Variants in SYNE1 observed in about 807,000 individuals in gnomAD.
SYNE1 encodes spectrin repeat containing nuclear envelope protein 1.
A neutral mutation model predicts 1,111.0 loss-of-function variants in SYNE1; 616 were observed. The observed-to-expected ratio is 0.55, with a 90% confidence interval of 0.52 to 0.59. SYNE1 has a LOEUF of 0.59. Ranked by LOEUF, SYNE1 falls within the 20% of genes least tolerant of loss-of-function variation. The pLI is 0.00. For synonymous variants in SYNE1, 3,855 were observed against 3,825.8 expected (o/e 1.01, Z -0.28); for missense variants, 10,006 against 10,417.0 (o/e 0.96, Z 1.72).
In SYNE1 at chr6:152,350,745, T is replaced by C. The variant is rs377203674; in HGVS notation, c.11606A>G (p.His3869Arg). 3.7e-6 allele frequency: 6 copies of C among 1,613,326 alleles called. No homozygotes were observed. Among genetic ancestry groups the C allele is most frequent in the Non-Finnish European group, 4.2e-6 (5 of 1,179,932 alleles). ...YKSLQQTVLS[H>R]EPSVKSVREK... ...TCTCACTGACTTTACTGATGGTTCATGGGACAGCACCGTTTGTTGAAGTGA... is the reference window on the plus strand; with the variant it reads ...TCTCACTGACTTTACTGATGGTTCACGGGACAGCACCGTTTGTTGAAGTGA... The change falls in exon 71 of 146, where the codon CAT becomes CGT. Residue 3869 changes from histidine (H) to arginine (R), a missense_variant. By Grantham distance (29) the His-to-Arg change is conservative (BLOSUM62 0). Transcript: ENST00000367255.
rs533601917 is a variant in SYNE1 at position 152,597,849 on chromosome 6, C to T, written c.67+30416G>A. ...CTCCCTTTTTCTTTCGCTATAGCAA[C>T]TATGGTAGTGAGTATTATTTACTTT... On this transcript the variant is annotated intron_variant, in intron 3 of 145. Coordinates refer to ENST00000367255, the MANE Select transcript of SYNE1 (RefSeq NM_182961.4). 4.1e-4 allele frequency among the ~76,000 whole-genome samples: 63 copies of T among 152,138 alleles called. 1 individual carries two copies. Among genetic ancestry groups the T allele is most frequent in the Middle Eastern group, 3.4e-3 (1 of 294 alleles).
chr6:152,499,651 A>G lies in SYNE1; in HGVS notation c.889-859T>C, dbSNP rs78661041. On this transcript the variant is annotated intron_variant, in intron 10 of 145. Transcript: ENST00000367255. ...ACTAGACAGAATTAGGTTACCATTAACTGTTAAATATAAGCCCTATGTCAT... is the reference window on the plus strand; with the variant it reads ...ACTAGACAGAATTAGGTTACCATTAGCTGTTAAATATAAGCCCTATGTCAT... 6.4e-3 allele frequency among the ~76,000 whole-genome samples: 971 copies of G among 152,272 alleles called. 17 individuals carry two copies. The highest frequency in any genetic ancestry group is 0.022 in the African/African-American group (932 of 41,580).
chr6:152,308,374 G>C (rs1241410154), intron 91 of SYNE1, 115 bp downstream of exon 91: 1 of 1,465,980 alleles, frequency 6.8e-7, no homozygotes, highest in Non-Finnish European at 9.3e-7. Flanking sequence ...CTCAAGAGTT[G>C]AACACATTAA....
chr6:152,367,139 C>A, intron 62 of SYNE1, 79 bp downstream of exon 62: 1 of 1,542,818 alleles, frequency 6.5e-7, no homozygotes, highest in Non-Finnish European at 9.0e-7. Context: ...GACATCATCA[C>A]CCCAGGTGGA....
In SYNE1 at chr6:152,227,795, A is replaced by G. The variant is rs367746290; in HGVS notation, c.21196-1919T>C. Among the ~76,000 whole-genome samples, 22 of 152,250 alleles carry G rather than the reference A, an allele frequency of 1.4e-4. No homozygotes were observed. In the South Asian group the frequency reaches 2.9e-3, roughly 20 times the overall value. On this transcript the variant is annotated intron_variant, in intron 115 of 145. Coordinates refer to ENST00000367255, the MANE Select transcript of SYNE1 (RefSeq NM_182961.4). Reference sequence around the variant, plus strand: ...AAACTATTTCTAAAATGCCCTGCACACGTATGTTGGTAGAAGAGCAAAACC... The same window carrying G: ...AAACTATTTCTAAAATGCCCTGCACGCGTATGTTGGTAGAAGAGCAAAACC...
chr6:152,541,671 C>T (rs1195551586), intron 3 of SYNE1, among the ~76,000 whole-genome samples: 1 of 146,776 alleles, frequency 6.8e-6, no homozygotes, highest in Non-Finnish European at 1.5e-5. Context: ...TGGTGTGAAC[C>T]TGTGAGGCAG....
chr6:152,329,823 C>T lies in SYNE1; in HGVS notation c.14862G>A (p.Lys4954=), dbSNP rs1458805351. 2 of 1,614,142 alleles carry T rather than the reference C, an allele frequency of 1.2e-6. No homozygotes were observed. The highest frequency in any genetic ancestry group is 1.7e-6 in the Non-Finnish European group (2 of 1,180,014). Residue 4954 remains lysine (K), a synonymous_variant, in exon 78 of 146, where the codon AAG becomes AAA. Coordinates refer to ENST00000367255, the MANE Select transcript of SYNE1 (RefSeq NM_182961.4). ...LSHKEKEKFT[K]AKELISADLE... The stretch of plus-strand genomic sequence containing the variant: ...AATCCGCAGAAATCAGCTCCTTGGC[C>T]TTTGTGAACTTCTCCTTTTCCTTGT...
In SYNE1 at chr6:152,325,098, C is replaced by G. The variant is rs1437500728; in HGVS notation, c.15643G>C (p.Gly5215Arg). 1 of 1,614,040 alleles carries G rather than the reference C, an allele frequency of 6.2e-7. No homozygotes were observed. Among genetic ancestry groups the G allele is most frequent in the East Asian group, 2.2e-5 (1 of 44,876 alleles). ...ILEDAVDEWTGFNNKVKKATE... is the reference protein window; with the variant it reads ...ILEDAVDEWTRFNNKVKKATE... Reference sequence around the variant, plus strand: ...GTGGAAACTACCTTGTTGTTAAAGCCCGTCCACTCATCCACTGCATCTTCC... The same window carrying G: ...GTGGAAACTACCTTGTTGTTAAAGCGCGTCCACTCATCCACTGCATCTTCC... Residue 5215 changes from glycine (G) to arginine (R), a missense_variant, in exon 81 of 146, where the codon GGC becomes CGC. By Grantham distance (125) the Gly-to-Arg change is moderately radical. Coordinates refer to ENST00000367255, the MANE Select transcript of SYNE1 (RefSeq NM_182961.4).
At chr6:152,508,907 C>T (rs2099071223) in intron 8 of SYNE1, among the ~76,000 whole-genome samples, 1 of 152,206 alleles carries the variant, frequency 6.6e-6, no homozygotes, top group Admixed American at 6.5e-5. Context: ...ACACTAATTA[C>T]ATCCTTTGTT....
intron 3 of SYNE1, among the ~76,000 whole-genome samples, chr6:152,602,486 T>C (rs1309912856): frequency 6.6e-6 from 1 of 152,172 alleles, no homozygotes; most frequent in Non-Finnish European, 1.5e-5. Flanking sequence ...TGCATTTCCA[T>C]TGTTCAAGCC....
intron 3 of SYNE1, among the ~76,000 whole-genome samples, chr6:152,603,444 T>A (rs1209276902): frequency 6.6e-6 from 1 of 152,138 alleles, no homozygotes; most frequent in East Asian, 1.9e-4. Context: ...CCCAGGATGA[T>A]AAGTCTGATC....
chr6:152,515,902 C>T (rs1200980357), intron 6 of SYNE1, among the ~76,000 whole-genome samples: 2 of 152,164 alleles, frequency 1.3e-5, no homozygotes, highest in Non-Finnish European at 2.9e-5. Flanking sequence ...GCTAAGGACA[C>T]TGTTAGGGTT....
At chr6:152,365,579 C>T (rs2097058648) in intron 62 of SYNE1, among the ~76,000 whole-genome samples, 1 of 152,022 alleles carries the variant, frequency 6.6e-6, no homozygotes, top group African/African-American at 2.4e-5. Flanking sequence ...TCTAGCTCAG[C>T]CTCCTTGGTA....
chr6:152,172,625 T>A (rs1337532223), intron 130 of SYNE1, among the ~76,000 whole-genome samples: 1 of 152,206 alleles, frequency 6.6e-6, no homozygotes, highest in Non-Finnish European at 1.5e-5. Context: ...TTCCTTTTAG[T>A]CCTGAGCTCT....
At chr6:152,237,214 C>T (rs1362015698) in intron 108 of SYNE1, among the ~76,000 whole-genome samples, 1 of 151,874 alleles carries the variant, frequency 6.6e-6, no homozygotes, top group Non-Finnish European at 1.5e-5. Flanking sequence ...ACCTCTTTTC[C>T]ATACGTTACA....
At chr6:152,181,671 T>C (rs1046801216) in intron 128 of SYNE1, among the ~76,000 whole-genome samples, 3 of 152,244 alleles carry the variant, frequency 2.0e-5, no homozygotes, top group Admixed American at 1.3e-4. Context: ...CTATATTCCA[T>C]TGTATGAATA....
At chr6:152,407,760 TTC>T (rs2097921673) in intron 44 of SYNE1, among the ~76,000 whole-genome samples, 1 of 130,160 alleles carries the variant, frequency 7.7e-6, no homozygotes, top group South Asian at 2.7e-4. Flanking sequence ...TAAAAGAATG[TTC>T]TTTTTTTTTT....
chr6:152,626,453 A>C (rs2099685920), intron 3 of SYNE1, among the ~76,000 whole-genome samples: 1 of 152,150 alleles, frequency 6.6e-6, no homozygotes, highest in African/African-American at 2.4e-5. Context: ...ACCCTCAGAC[A>C]AACAGCCAAG....
At chr6:152,530,491 A>G (rs1222106239) in intron 4 of SYNE1, among the ~76,000 whole-genome samples, 2 of 149,844 alleles carry the variant, frequency 1.3e-5, no homozygotes, top group East Asian at 1.9e-4. Context: ...TTTTTTTACT[A>G]AAACAGTCCC....
Sources: gnomAD v4.1 joint callset for allele counts (sites outside exome capture counted in the v4.1 genomes callset) on GRCh38, gnomAD v4.1.1 for gene constraint, MANE v1.5 for transcripts, NCBI Gene and HGNC (gene_info 2026-07-23, HGNC 2026-07-21) for gene names.